The following HENMT1 variants were observed in gnomAD, a reference collection of about 807,000 sequenced individuals.
HENMT1 encodes the protein small RNA 2'-O-methyltransferase.
In HENMT1, 27 loss-of-function variants were observed where a neutral mutation model predicts 31.1. That is an observed-to-expected ratio of 0.87 (90% CI 0.64 to 1.20). The LOEUF is 1.20. Ranked by LOEUF, HENMT1 falls within the 50% of genes most tolerant of loss-of-function variation. HENMT1 has a pLI of 0.00. For synonymous variants in HENMT1, 167 were observed against 172.2 expected, an observed-to-expected ratio of 0.97 and a Z score of 0.24; for missense variants, 438 against 469.6, an observed-to-expected ratio of 0.93 and a Z score of 0.62.
Position 108,659,930 on chromosome 1 carries a change from A to C in HENMT1, c.-46T>G. 2 of 1,580,104 alleles carry C rather than the reference A, an allele frequency of 1.3e-6. No homozygotes were observed. Among genetic ancestry groups the C allele is most frequent in the Non-Finnish European group, 1.7e-6 (2 of 1,164,354 alleles). On this transcript the variant is annotated 5_prime_UTR_variant, in exon 2 of 8. Coordinates refer to ENST00000651461, the MANE Select transcript of HENMT1 (RefSeq NM_001102592.2). Reference sequence around the variant, plus strand: ...AAACAAAAATGAAGATTTATCCTTCAAGCTCTATTTGAGAGAATCAGCACT... The same window carrying C: ...AAACAAAAATGAAGATTTATCCTTCCAGCTCTATTTGAGAGAATCAGCACT...
intron 5 of HENMT1, among the ~76,000 whole-genome samples, chr1:108,651,716 AAGAAAG>A (rs1318062207): frequency 2.0e-5 from 3 of 151,388 alleles, no homozygotes; most frequent in Non-Finnish European, 1.5e-5. Flanking sequence ...GACAGACAGA[AAGAAAG>A]AGAAAGAGAG....
At chr1:108,656,760 G>A (rs754206816) in intron 3 of HENMT1, among the ~76,000 whole-genome samples, 1 of 152,124 alleles carries the variant, frequency 6.6e-6, no homozygotes, top group African/African-American at 2.4e-5. Context: ...CATTGCACCC[G>A]GCCCATTATC....
chr1:108,659,819 A>C, intron 2 of HENMT1, 45 bp downstream of exon 2: 2 of 1,192,374 alleles, frequency 1.7e-6, no homozygotes, highest in Non-Finnish European at 2.5e-6. Flanking sequence ...CATCCAGGTG[A>C]TAATTCTTAA....
Position 108,648,434 on chromosome 1 carries a change from A to C in HENMT1, c.*132T>G. 1.3e-6 allele frequency: 1 copy of C among 775,340 alleles called. No individual in the cohort carries two copies. The highest frequency in any genetic ancestry group is 2.0e-6 in the Non-Finnish European group (1 of 493,074). 48.0% of individuals were successfully genotyped at this position (775,340 alleles called of 1,614,324 possible). On this transcript the variant is annotated 3_prime_UTR_variant, in exon 8 of 8. Coordinates refer to ENST00000651461, the MANE Select transcript of HENMT1 (RefSeq NM_001102592.2). ...GCCATATCTCAAGCAGGTCTGTCCAATGGCTTGGAACATAGACTTTTGCAG... is the reference window on the plus strand; with the variant it reads ...GCCATATCTCAAGCAGGTCTGTCCACTGGCTTGGAACATAGACTTTTGCAG...
chr1:108,651,448 C>T (rs922852686), intron 5 of HENMT1: 3 of 409,652 alleles, frequency 7.3e-6, no homozygotes, highest in African/African-American at 6.1e-5. Context: ...AGTTAAAGAC[C>T]AGCCCGGCCA....
At chr1:108,650,893 C>CT (rs1219640371) in intron 6 of HENMT1, 137 bp downstream of exon 6, 10 of 661,890 alleles carry the variant, frequency 1.5e-5, no homozygotes, top group Non-Finnish European at 2.5e-5. Flanking sequence ...TTATTACATA[C>CT]TAAGTCACAC....
At position 108,651,147 on chromosome 1, in the gene HENMT1, G is replaced by A. The variant is rs1658042309; in HGVS notation, c.461C>T (p.Ser154Phe). The change falls in exon 6 of 8, where the codon TCT becomes TTT. Residue 154 changes from serine to phenylalanine, a missense_variant. Physicochemically the swap from Ser to Phe is radical, Grantham distance 155. Coordinates refer to ENST00000651461, the MANE Select transcript of HENMT1 (RefSeq NM_001102592.2). The part of the protein sequence containing the change: ...RFPEVVFGYL[S>F]PSMIVISTPN... Reference sequence around the variant, plus strand: ...TGTGCTGATGACAATCATGGATGGAGACAGGTACCCAAATACCACTTCAGG... The same window carrying A: ...TGTGCTGATGACAATCATGGATGGAAACAGGTACCCAAATACCACTTCAGG... The A allele has an allele frequency of 1.9e-6, 3 of 1,613,862 alleles. No individual in the cohort carries two copies. Among genetic ancestry groups the A allele is most frequent in the Non-Finnish European group, 2.5e-6 (3 of 1,179,890 alleles).
At chr1:108,649,778 G>A (rs1657994903) in intron 7 of HENMT1, among the ~76,000 whole-genome samples, 1 of 152,158 alleles carries the variant, frequency 6.6e-6, no homozygotes, top group African/African-American at 2.4e-5. Flanking sequence ...AATCCTAACA[G>A]ATTACAAAAA....
rs778806915 is a variant in HENMT1 at position 108,651,021 on chromosome 1, T to C, written c.578+9A>G. ...GATCCCAAATAAACAAAAACCCTTC[T>C]GAACTTACCAGGTCTGAAACTCCAT... On this transcript the variant is annotated intron_variant, in intron 6 of 7. Transcript: ENST00000651461. 1 of 1,603,542 alleles carries C rather than the reference T, an allele frequency of 6.2e-7. No homozygotes were observed. Among genetic ancestry groups the C allele is most frequent in the Non-Finnish European group, 8.5e-7 (1 of 1,172,418 alleles).
At chr1:108,656,470 C>A (rs1212079262) in intron 3 of HENMT1, among the ~76,000 whole-genome samples, 2 of 152,106 alleles carry the variant, frequency 1.3e-5, no homozygotes, top group African/African-American at 4.8e-5. Flanking sequence ...CTGAAGTTAA[C>A]CGAGTAGGTT....
intron 5 of HENMT1, among the ~76,000 whole-genome samples, chr1:108,653,520 T>A (rs1658121749): frequency 6.6e-6 from 1 of 152,242 alleles, no homozygotes; most frequent in Non-Finnish European, 1.5e-5. Context: ...ACCTCCACAC[T>A]GTTTTCAATA....
chr1:108,653,135 T>C (rs1365682230), intron 5 of HENMT1, among the ~76,000 whole-genome samples: 1 of 151,428 alleles, frequency 6.6e-6, no homozygotes, highest in Admixed American at 6.6e-5. Flanking sequence ...TGCCTCAGCC[T>C]CCCAAGTAGC....
At chr1:108,651,456 C>G (rs181791464) in intron 5 of HENMT1, 1 of 387,836 alleles carries the variant, frequency 2.6e-6, no homozygotes, top group African/African-American at 2.1e-5. Flanking sequence ...ACCAGCCCGG[C>G]CAACATGATG....
intron 5 of HENMT1, among the ~76,000 whole-genome samples, chr1:108,652,087 A>G (rs1658076016): frequency 6.6e-6 from 1 of 152,154 alleles, no homozygotes; most frequent in South Asian, 2.1e-4. Context: ...AAGGCTGCAC[A>G]GACCTGCTTC....
chr1:108,657,905 G>A (rs561968028), intron 2 of HENMT1, among the ~76,000 whole-genome samples: 1 of 151,998 alleles, frequency 6.6e-6, no homozygotes, highest in African/African-American at 2.4e-5. Context: ...TGTGGAGTGA[G>A]TCGCCAAAGC....
intron 7 of HENMT1, 159 bp downstream of exon 7, chr1:108,650,052 C>T (rs1348047742): frequency 1.4e-6 from 1 of 731,208 alleles, no homozygotes; most frequent in East Asian, 2.7e-5. Flanking sequence ...CGTAGGCTAA[C>T]TCGGACAGTA....
chr1:108,654,240 T>C (rs1178651145), intron 5 of HENMT1, among the ~76,000 whole-genome samples: 1 of 152,232 alleles, frequency 6.6e-6, no homozygotes, highest in African/African-American at 2.4e-5. Flanking sequence ...TCCATTGGTC[T>C]ATGTCTCTGT....
chr1:108,658,295 G>A (rs1053507183), intron 2 of HENMT1, among the ~76,000 whole-genome samples: 13 of 151,984 alleles, frequency 8.6e-5, no homozygotes, highest in Non-Finnish European at 1.5e-4. Context: ...GCGCCACCAT[G>A]CCTGGCTAAT....
At chr1:108,652,940 T>G (rs1029127953) in intron 5 of HENMT1, among the ~76,000 whole-genome samples, 1 of 151,808 alleles carries the variant, frequency 6.6e-6, no homozygotes, top group Non-Finnish European at 1.5e-5. Flanking sequence ...TTTCTATGCC[T>G]GACTTATTTC....
Sources: allele counts gnomAD v4.1 joint callset (sites outside exome capture counted in the v4.1 genomes callset), GRCh38; gene constraint gnomAD v4.1.1; transcripts MANE v1.5; gene names NCBI Gene and HGNC (gene_info 2026-07-23, HGNC 2026-07-21).